CD96: variants seen among roughly 807,000 people sequenced by gnomAD.
The protein encoded by CD96 is T-cell surface protein tactile.
Under a neutral mutation model 71.3 loss-of-function variants are expected in CD96, and 70 were observed. That is an observed-to-expected ratio of 0.98 (90% CI 0.81 to 1.20). The LOEUF is 1.20. Among genes scored for constraint, CD96 ranks in the 50% most tolerant of loss-of-function variants. The pLI, the probability that CD96 is intolerant of heterozygous loss-of-function variation, is 0.00. For missense variants in CD96, 742 were observed against 677.5 expected (o/e 1.10, Z -1.06); for synonymous variants, 248 against 233.0 (o/e 1.06, Z -0.59).
rs767986800 is a variant in CD96, at chr3:111,598,114, C to A, written c.808-6C>A. On this transcript the variant is annotated splice_region_variant and splice_polypyrimidine_tract_variant and intron_variant, in intron 5 of 13. Coordinates refer to ENST00000352690, the MANE Select transcript of CD96 (RefSeq NM_005816.5). The stretch of plus-strand genomic sequence containing the variant: ...GCAAATAATCCTTTTTCTGTCTTTA[C>A]CCCAGAGAAGATTTACCTGCTTACT... 4.8e-6 allele frequency: 6 copies of A among 1,252,872 alleles called. No individual in the cohort carries two copies. Among genetic ancestry groups the A allele is most frequent in the Admixed American group, 3.4e-5 (2 of 59,550 alleles). 77.6% of individuals were successfully genotyped at this position (1,252,872 alleles called of 1,614,324 possible). A position where few individuals can be genotyped will look rare whatever the true frequency, so the allele number is the denominator to read the frequency against.
chr3:111,605,892 C>T (rs551349444), intron 7 of CD96, among the ~76,000 whole-genome samples: 1 of 152,202 alleles, frequency 6.6e-6, no homozygotes, highest in Admixed American at 6.5e-5. Context: ...AACACTGTAA[C>T]CAGTAACATT....
In CD96 at chr3:111,599,958, A is replaced by T. The variant is rs527453352; in HGVS notation, c.899-768A>T. Among the ~76,000 whole-genome samples the T allele has an allele frequency of 6.6e-5, 10 of 152,368 alleles. No individual in the cohort carries two copies. The East Asian group carries it at 1.9e-3, about 29-fold the overall frequency. On this transcript the variant is annotated intron_variant, in intron 6 of 13. Transcript: ENST00000352690. ...CTGACATATAGTGATAGTTGGTTTTACATTAATTTTCTGCTGCCAAGTATG... is the reference window on the plus strand; with the variant it reads ...CTGACATATAGTGATAGTTGGTTTTTCATTAATTTTCTGCTGCCAAGTATG...
intron 7 of CD96, among the ~76,000 whole-genome samples, chr3:111,605,974 G>A (rs190073421): frequency 6.6e-5 from 10 of 152,252 alleles, no homozygotes; most frequent in Admixed American, 6.5e-4. Flanking sequence ...TGTTCCTAAA[G>A]TCAATAGAGC....
Position 111,624,370 on chromosome 3 carries a change from T to A in CD96, c.1287T>A (p.Tyr429Ter), listed in dbSNP as rs1453481998. Residue 429 changes from tyrosine (Y) to a stop codon, truncating the protein, a stop_gained, in exon 10 of 14, where the codon TAT becomes TAA. Transcript: ENST00000352690. LOFTEE classifies it high-confidence loss of function. ...NSSMTTRGFN[Y>*]PWTSSGTDTK... ...GTATGACTACCCGAGGCTTCAACTA[T>A]CCCTGGACCTCCAGTGGGACAGATA... 1 of 1,612,168 alleles carries A rather than the reference T, an allele frequency of 6.2e-7. No homozygotes were observed. Among genetic ancestry groups the A allele is most frequent in the South Asian group, 1.1e-5 (1 of 91,056 alleles).
Position 111,594,233 on chromosome 3 carries a change from G to A in CD96, c.808-3887G>A, listed in dbSNP as rs79616018. Reference sequence around the variant, plus strand: ...TCTTCTACAGCGTTCTTTATGATGTGCTTAGATGTGAGCCAAAAGCTTATT... The same window carrying A: ...TCTTCTACAGCGTTCTTTATGATGTACTTAGATGTGAGCCAAAAGCTTATT... On this transcript the variant is annotated intron_variant, in intron 5 of 13. Transcript: ENST00000352690. 1.0e-3 allele frequency: 1,546 copies of A among 1,529,412 alleles called. 10 individuals carry two copies. In the African/African-American group the frequency reaches 0.017, roughly 17 times the overall value. 94.7% of individuals were successfully genotyped at this position (1,529,412 alleles called of 1,614,324 possible).
chr3:111,561,056 C>A (rs1175055422), intron 2 of CD96, among the ~76,000 whole-genome samples: 109 of 138,386 alleles, frequency 7.9e-4, no homozygotes, highest in African/African-American at 1.5e-3. Flanking sequence ...GTTTTCAGCT[C>A]CATCAGCTCC....
chr3:111,611,861 A>C (rs1333807645), intron 8 of CD96, among the ~76,000 whole-genome samples: 2 of 152,170 alleles, frequency 1.3e-5, no homozygotes, highest in African/African-American at 4.8e-5. Context: ...GGTGGGGTGG[A>C]ACAAGGTAAA....
intron 7 of CD96, among the ~76,000 whole-genome samples, chr3:111,603,923 T>G (rs1937555488): frequency 6.6e-6 from 1 of 152,212 alleles, no homozygotes; most frequent in Non-Finnish European, 1.5e-5. Context: ...GACTGATCCT[T>G]TCTGAGAGTA....
Position 111,612,166 on chromosome 3 carries a change from G to A in CD96, c.1180+5374G>A, listed in dbSNP as rs892204464. On this transcript the variant is annotated intron_variant, in intron 8 of 13. Coordinates refer to ENST00000352690, the MANE Select transcript of CD96 (RefSeq NM_005816.5). The stretch of plus-strand genomic sequence containing the variant: ...AACAGCAGTTATGTATATGGTAGGT[G>A]ATAGTTGCAAGAGCAGGGAGAAAAA... Among the ~76,000 whole-genome samples, 29 of 152,318 alleles carry A rather than the reference G, an allele frequency of 1.9e-4. 1 individual carries two copies. Among genetic ancestry groups the A allele is most frequent in the Admixed American group, 1.7e-3 (26 of 15,304 alleles).
chr3:111,557,644 C>T (rs1935139131), intron 2 of CD96, among the ~76,000 whole-genome samples: 1 of 132,020 alleles, frequency 7.6e-6, no homozygotes, highest in African/African-American at 2.9e-5. Flanking sequence ...TAGTGTGATG[C>T]CTCCAGCTTT....
At chr3:111,624,443 T>G in intron 10 of CD96, 39 bp downstream of exon 10, 1 of 1,105,578 alleles carries the variant, frequency 9.0e-7, no homozygotes, top group East Asian at 2.3e-5. Flanking sequence ...CCTCTGGACT[T>G]CAGTCATTCA....
chr3:111,627,015 C>A (rs903241378), intron 10 of CD96, among the ~76,000 whole-genome samples: 3 of 152,138 alleles, frequency 2.0e-5, no homozygotes, highest in African/African-American at 7.2e-5. Context: ...ATGTATAAAT[C>A]TGTGTACATG....
intron 10 of CD96, chr3:111,633,914 C>T (rs1394497831): frequency 1.3e-5 from 2 of 152,538 alleles, no homozygotes; most frequent in Non-Finnish European, 2.9e-5. Flanking sequence ...CTCAGAATGC[C>T]TTAAGGAGTA....
At chr3:111,587,722 G>A (rs1936782135) in intron 5 of CD96, among the ~76,000 whole-genome samples, 1 of 152,216 alleles carries the variant, frequency 6.6e-6, no homozygotes, top group Non-Finnish European at 1.5e-5. Context: ...TGTAGGCAGA[G>A]GTTCCCAAAC....
intron 2 of CD96, among the ~76,000 whole-genome samples, chr3:111,554,940 C>A (rs1252260069): frequency 6.6e-6 from 1 of 151,962 alleles, no homozygotes; most frequent in Admixed American, 6.6e-5. Context: ...TCATAAGGAG[C>A]ACACAACCTA....
chr3:111,587,022 AG>A (rs1936745335), intron 5 of CD96, among the ~76,000 whole-genome samples: 1 of 152,160 alleles, frequency 6.6e-6, no homozygotes, highest in Non-Finnish European at 1.5e-5. Context: ...TAAAATCAAA[AG>A]CATGTTAGTT....
intron 8 of CD96, among the ~76,000 whole-genome samples, chr3:111,620,151 C>A (rs762272948): frequency 2.0e-5 from 3 of 152,186 alleles, no homozygotes; most frequent in Non-Finnish European, 4.4e-5. Flanking sequence ...CCACTAAATT[C>A]CTTGGGAAAG....
At chr3:111,596,350 A>C (rs549692226) in intron 5 of CD96, among the ~76,000 whole-genome samples, 78 of 152,282 alleles carry the variant, frequency 5.1e-4, no homozygotes, top group African/African-American at 1.9e-3. Flanking sequence ...TTCTAAACCA[A>C]ATCTTGGAAC....
intron 2 of CD96, among the ~76,000 whole-genome samples, chr3:111,550,770 T>C (rs1202816844): frequency 2.0e-5 from 3 of 152,092 alleles, no homozygotes; most frequent in Admixed American, 6.6e-5. Flanking sequence ...ACAGCTGCTA[T>C]GGATAGAAGG....
Sources: gnomAD v4.1 joint callset for allele counts (sites outside exome capture counted in the v4.1 genomes callset) on GRCh38, gnomAD v4.1.1 for gene constraint, MANE v1.5 for transcripts, NCBI Gene and HGNC (gene_info 2026-07-23, HGNC 2026-07-21) for gene names.